Variants in KCNN3 observed in about 807,000 individuals in gnomAD.
KCNN3 encodes the protein potassium calcium-activated channel subfamily N member 3, also known as small conductance calcium-activated potassium channel protein 3.
KCNN3 carries 16 observed loss-of-function variants against 62.9 expected under a neutral mutation model. The ratio of observed to expected loss-of-function variants is 0.25; its 90% CI spans 0.17 to 0.39. The LOEUF (loss-of-function observed/expected upper bound fraction) is 0.39, where lower values mean the gene tolerates loss of function less well. Ranked by LOEUF, KCNN3 falls within the 10% of genes least tolerant of loss-of-function variation. The pLI, the probability that KCNN3 is intolerant of heterozygous loss-of-function variation, is 1.00. For missense variants in KCNN3, 599 were observed against 949.4 expected, an observed-to-expected ratio of 0.63 and a Z score of 4.85; for synonymous variants, 370 against 389.2, an observed-to-expected ratio of 0.95 and a Z score of 0.58.
chr1:154,750,739 C>T (rs1042028511), intron 3 of KCNN3, among the ~76,000 whole-genome samples: 5 of 152,120 alleles, frequency 3.3e-5, no homozygotes, highest in Non-Finnish European at 7.4e-5. Flanking sequence ...TTTGAAGACA[C>T]AGATGCCCAG....
At chr1:154,726,974 C>T (rs978019471) in intron 4 of KCNN3, among the ~76,000 whole-genome samples, 1 of 152,218 alleles carries the variant, frequency 6.6e-6, no homozygotes, top group Non-Finnish European at 1.5e-5. Flanking sequence ...GCAGGGAATT[C>T]CCTGCACATT....
intron 5 of KCNN3, among the ~76,000 whole-genome samples, chr1:154,716,009 C>A (rs894135971): frequency 6.6e-6 from 1 of 152,220 alleles, no homozygotes; most frequent in African/African-American, 2.4e-5. Context: ...AATTTCAGAG[C>A]AATGTCTGAA....
intron 1 of KCNN3, among the ~76,000 whole-genome samples, chr1:154,863,840 C>T (rs1484428877): frequency 1.3e-5 from 2 of 152,104 alleles, no homozygotes; most frequent in South Asian, 2.1e-4. Flanking sequence ...AAGGGAAGTC[C>T]GGATGTGTGA....
At chr1:154,715,575 TTTTC>T (rs1328228820) in intron 5 of KCNN3, among the ~76,000 whole-genome samples, 4 of 151,924 alleles carry the variant, frequency 2.6e-5, no homozygotes, top group African/African-American at 7.3e-5. Context: ...CTTTCTTTCT[TTTTC>T]TTTCTTTCTC....
At chr1:154,754,339 C>G (rs933581764) in intron 3 of KCNN3, among the ~76,000 whole-genome samples, 2 of 151,994 alleles carry the variant, frequency 1.3e-5, no homozygotes, top group Non-Finnish European at 2.9e-5. Flanking sequence ...AGCTTGGTGC[C>G]TAAATAGAGG....
intron 1 of KCNN3, among the ~76,000 whole-genome samples, chr1:154,860,648 G>A (rs920789860): frequency 3.9e-5 from 6 of 152,186 alleles, no homozygotes; most frequent in African/African-American, 1.4e-4. Flanking sequence ...TCACGGACGG[G>A]AAGCCATTTG....
At chr1:154,746,244 T>C (rs1051455882) in intron 3 of KCNN3, among the ~76,000 whole-genome samples, 6 of 152,100 alleles carry the variant, frequency 3.9e-5, no homozygotes, top group Non-Finnish European at 7.4e-5. Context: ...AGGGCCGCGT[T>C]ACAATGGAGA....
At chr1:154,802,723 C>T (rs1650013310) in intron 2 of KCNN3, among the ~76,000 whole-genome samples, 1 of 152,184 alleles carries the variant, frequency 6.6e-6, no homozygotes, top group South Asian at 2.1e-4. Flanking sequence ...ACCCTCCAGC[C>T]AGGGCTAGGC....
intron 1 of KCNN3, among the ~76,000 whole-genome samples, chr1:154,826,082 A>G (rs1349332517): frequency 1.3e-5 from 2 of 149,956 alleles, no homozygotes; most frequent in African/African-American, 5.0e-5. Flanking sequence ...AACAAAAACA[A>G]AAACAAAAAA....
intron 1 of KCNN3, among the ~76,000 whole-genome samples, chr1:154,841,493 T>A (rs1217284054): frequency 6.6e-6 from 1 of 152,172 alleles, no homozygotes; most frequent in African/African-American, 2.4e-5. Context: ...TGAAGCCAAG[T>A]TAGGGGACCA....
intron 2 of KCNN3, among the ~76,000 whole-genome samples, chr1:154,797,514 A>G (rs565270698): frequency 4.0e-5 from 6 of 151,850 alleles, no homozygotes; most frequent in Non-Finnish European, 8.8e-5. Context: ...TTCCTCCATG[A>G]CCCCCCATCA....
chr1:154,747,149 G>A (rs1158417603), intron 3 of KCNN3, among the ~76,000 whole-genome samples: 1 of 152,178 alleles, frequency 6.6e-6, no homozygotes, highest in Non-Finnish European at 1.5e-5. Context: ...TCCACATCCA[G>A]TGAGTCAGTC....
At chr1:154,770,175 C>T (rs142682118) in intron 3 of KCNN3, among the ~76,000 whole-genome samples, 137 of 152,284 alleles carry the variant, frequency 9.0e-4, no homozygotes, top group African/African-American at 3.2e-3. Flanking sequence ...TGAGTAATGG[C>T]GAGGTTCTGA....
intron 2 of KCNN3, among the ~76,000 whole-genome samples, chr1:154,778,179 G>A (rs1042910448): frequency 3.9e-5 from 6 of 152,196 alleles, no homozygotes; most frequent in African/African-American, 1.4e-4. Context: ...TCAGCCGTTA[G>A]TATAATTCTG....
In KCNN3 at chr1:154,851,139, C is replaced by T. The variant is rs191611127; in HGVS notation, c.933+17893G>A. Among the ~76,000 whole-genome samples the T allele has an allele frequency of 4.6e-5, 7 of 152,214 alleles. No homozygotes were observed. In the East Asian group the frequency reaches 9.7e-4, roughly 21 times the overall value. ...GACTACAGGCGTGCACCACCATGCC[C>T]GGCTAATTTTTGTATTTTTTGTAGA... On this transcript the variant is annotated intron_variant, in intron 1 of 7. Transcript: ENST00000271915.
chr1:154,816,599 C>A (rs1318256540), intron 2 of KCNN3, among the ~76,000 whole-genome samples: 1 of 152,124 alleles, frequency 6.6e-6, no homozygotes, highest in Non-Finnish European at 1.5e-5. Flanking sequence ...TTATTCCATG[C>A]CTGGGGCTCT....
intron 1 of KCNN3, among the ~76,000 whole-genome samples, chr1:154,825,484 G>A (rs547894136): frequency 2.0e-5 from 3 of 149,066 alleles, no homozygotes; most frequent in African/African-American, 7.4e-5. Flanking sequence ...TCCTGCCTCA[G>A]TCTCCCCAGC....
In KCNN3 at chr1:154,826,079, AC is replaced by A. The variant is rs201930149; in HGVS notation, c.934-3896del. Among the ~76,000 whole-genome samples the A allele has an allele frequency of 0.028, 796 of 28,270 alleles. 55 individuals are homozygous for A. In the East Asian group the frequency reaches 0.34, roughly 12 times the overall value. 18.5% of individuals were successfully genotyped at this position (28,270 alleles called of 152,430 possible). Reference sequence around the variant, plus strand: ...AACAAAAACAAAAACAAAAACAAAAACAAAAACAAAAAAAACCAAAAAACAC... The same window carrying A: ...AACAAAAACAAAAACAAAAACAAAAAAAAAACAAAAAAAACCAAAAAACAC... On this transcript the variant is annotated intron_variant, in intron 1 of 7. Coordinates refer to ENST00000271915, the MANE Select transcript of KCNN3 (RefSeq NM_002249.6).
At chr1:154,811,001 G>A (rs1650383119) in intron 2 of KCNN3, among the ~76,000 whole-genome samples, 1 of 152,200 alleles carries the variant, frequency 6.6e-6, no homozygotes, top group Non-Finnish European at 1.5e-5. Context: ...TCTATAAAGG[G>A]GGTATGAATA....
Sources: allele counts gnomAD v4.1 joint callset (sites outside exome capture counted in the v4.1 genomes callset), GRCh38; gene constraint gnomAD v4.1.1; transcripts MANE v1.5; gene names NCBI Gene and HGNC (gene_info 2026-07-23, HGNC 2026-07-21).